Variants in ATL1 observed in about 807,000 individuals in gnomAD.
ATL1 encodes atlastin-1.
ATL1 carries 31 observed loss-of-function variants against 75.5 expected under a neutral mutation model. The observed-to-expected ratio is 0.41, with a 90% CI of 0.31 to 0.55. The LOEUF is 0.55. Ranked by LOEUF, ATL1 falls within the 20% of genes least tolerant of loss-of-function variation. ATL1 has a pLI of 0.27. For synonymous variants in ATL1, 226 were observed against 233.3 expected, an observed-to-expected ratio of 0.97 and a Z score of 0.28; for missense variants, 405 against 662.6, an observed-to-expected ratio of 0.61 and a Z score of 4.27.
intron 1 of ATL1, among the ~76,000 whole-genome samples, chr14:50,583,864 C>A (rs2039078092): frequency 1.3e-5 from 2 of 152,030 alleles, no homozygotes; most frequent in Non-Finnish European, 2.9e-5. Flanking sequence ...ACTGAGAGCT[C>A]AGAAATGAGT....
intron 6 of ATL1, among the ~76,000 whole-genome samples, chr14:50,598,362 T>A (rs1028940411): frequency 6.6e-6 from 1 of 152,070 alleles, no homozygotes; most frequent in African/African-American, 2.4e-5. Flanking sequence ...ATTTTTATTT[T>A]TATTTTTTTT....
At chr14:50,594,855 C>G (rs2039197541) in intron 5 of ATL1, among the ~76,000 whole-genome samples, 2 of 151,904 alleles carry the variant, frequency 1.3e-5, no homozygotes. Context: ...ATTAGCCAGG[C>G]AGGCGTGGTG....
At chr14:50,537,271 T>G (rs1483165907) in intron 1 of ATL1, among the ~76,000 whole-genome samples, 1 of 152,198 alleles carries the variant, frequency 6.6e-6, no homozygotes, top group East Asian at 1.9e-4. Flanking sequence ...CCACGTGGTG[T>G]TGAGCCTTCT....
intron 1 of ATL1, among the ~76,000 whole-genome samples, chr14:50,584,148 G>A (rs1403076151): frequency 6.6e-6 from 1 of 152,124 alleles, no homozygotes; most frequent in Non-Finnish European, 1.5e-5. Flanking sequence ...GCCAAGGCAC[G>A]TGGATCACTT....
intron 5 of ATL1, 26 bp from the exon 6 acceptor site, chr14:50,595,550 G>T (rs569399148): frequency 1.3e-6 from 2 of 1,536,932 alleles, no homozygotes; most frequent in African/African-American, 2.7e-5. Flanking sequence ...CTCTGTGTAT[G>T]TGTGTGTGTG....
chr14:50,621,831 CT>C lies in ATL1; in HGVS notation c.991-3del, dbSNP rs753642042. 611 of 1,504,290 alleles carry C rather than the reference CT, an allele frequency of 4.1e-4. No individual in the cohort carries two copies. The highest frequency in any genetic ancestry group is 4.8e-4 in the Non-Finnish European group (522 of 1,087,170). 93.2% of individuals were successfully genotyped at this position (1,504,290 alleles called of 1,614,324 possible). A position where few individuals can be genotyped will look rare whatever the true frequency, so the allele number is the denominator to read the frequency against. ...GAATTGCTTGAACATGAATCTTTTT[CT>C]TTTTTTTTAGGCTTATATAAAGATC... On this transcript the variant is annotated splice_polypyrimidine_tract_variant and intron_variant, in intron 9 of 13. Coordinates refer to ENST00000358385, the MANE Select transcript of ATL1 (RefSeq NM_015915.5).
chr14:50,554,736 C>A (rs780740895), intron 1 of ATL1, among the ~76,000 whole-genome samples: 11 of 152,234 alleles, frequency 7.2e-5, no homozygotes, highest in Admixed American at 1.3e-4. Context: ...TGGGAGGTGG[C>A]ATGGATCTCT....
At chr14:50,607,279 A>C (rs1366645613) in intron 6 of ATL1, among the ~76,000 whole-genome samples, 1 of 152,068 alleles carries the variant, frequency 6.6e-6, no homozygotes, top group Non-Finnish European at 1.5e-5. Flanking sequence ...ATATGACTTA[A>C]AAAAACAAAG....
chr14:50,548,250 A>C (rs1358972979), intron 1 of ATL1, among the ~76,000 whole-genome samples: 1 of 152,180 alleles, frequency 6.6e-6, no homozygotes, highest in Non-Finnish European at 1.5e-5. Flanking sequence ...GGGCTACTGG[A>C]GGATATTCAT....
In ATL1 at chr14:50,591,549, G is replaced by T. The variant is rs1336180166; in HGVS notation, c.432G>T (p.Leu144Phe). 2 of 1,613,122 alleles carry T rather than the reference G, an allele frequency of 1.2e-6. No homozygotes were observed. Among genetic ancestry groups the T allele is most frequent in the African/African-American group, 2.7e-5 (2 of 74,984 alleles). The change falls in exon 4 of 14, where the codon TTG becomes TTT. Residue 144 changes from leucine to phenylalanine, a missense_variant. This residue lies in a region of ATL1 where 126 missense variants were observed against 172.0 expected (regional missense o/e 0.73). Transcript: ENST00000358385. ...CTTGCCTGTAGGTTGCAGTGTTATT[G>T]ATGGATACTCAGGGAACCTTTGATA... ...KPDGKKVAVL[L>F]MDTQGTFDSQ...
intron 13 of ATL1, among the ~76,000 whole-genome samples, chr14:50,631,606 C>T (rs1444041424): frequency 2.6e-5 from 4 of 151,900 alleles, no homozygotes; most frequent in African/African-American, 9.7e-5. Context: ...ATTAAAAACC[C>T]ACAGAGAACA....
At chr14:50,629,706 A>G (rs1190753620) in intron 12 of ATL1, among the ~76,000 whole-genome samples, 2 of 152,142 alleles carry the variant, frequency 1.3e-5, no homozygotes, top group Non-Finnish European at 2.9e-5. Context: ...TAAAAACTGG[A>G]TCCTCTGAGC....
intron 1 of ATL1, among the ~76,000 whole-genome samples, chr14:50,563,483 T>C (rs74624239): frequency 1.3e-5 from 2 of 152,102 alleles, no homozygotes; most frequent in Non-Finnish European, 1.5e-5. Context: ...GTAAGTATTT[T>C]TCAGACAAGT....
At chr14:50,533,336 A>T (rs1436045967) in exon 1 of ATL1, 1 of 151,604 alleles carries the variant, frequency 6.6e-6, no homozygotes, top group African/African-American at 2.4e-5. Context: ...ATTTGGCAAC[A>T]TCTCGGTGTC....
chr14:50,614,704 A>T (rs1282245783), intron 8 of ATL1, among the ~76,000 whole-genome samples, 193 bp downstream of exon 8: 1 of 152,184 alleles, frequency 6.6e-6, no homozygotes, highest in African/African-American at 2.4e-5. Flanking sequence ...TGGGCGCTGG[A>T]TGTATACACT....
At chr14:50,627,031 A>G (rs939243069) in intron 11 of ATL1, among the ~76,000 whole-genome samples, 1 of 152,238 alleles carries the variant, frequency 6.6e-6, no homozygotes, top group South Asian at 2.1e-4. Flanking sequence ...GTCAAATGGC[A>G]TCCCAGGCTA....
chr14:50,564,125 ATGTGCTAGTG>A (rs2038878195), intron 1 of ATL1, among the ~76,000 whole-genome samples: 2 of 152,220 alleles, frequency 1.3e-5, no homozygotes, highest in South Asian at 4.1e-4. Flanking sequence ...TAGGCAAAGA[ATGTGCTAGTG>A]TGGAAAATAA....
intron 1 of ATL1, among the ~76,000 whole-genome samples, chr14:50,566,209 A>C (rs1245904488): frequency 2.7e-5 from 4 of 150,440 alleles, no homozygotes; most frequent in East Asian, 2.0e-4. Context: ...GATTGGTCAG[A>C]CTGGTCTCAA....
intron 6 of ATL1, among the ~76,000 whole-genome samples, chr14:50,606,717 T>TG (rs1477759803): frequency 6.6e-6 from 1 of 152,068 alleles, no homozygotes; most frequent in Non-Finnish European, 1.5e-5. Context: ...TGCTTCCATC[T>TG]GTTCTTTATA....
Sources: gnomAD v4.1 joint callset for allele counts (sites outside exome capture counted in the v4.1 genomes callset) on GRCh38, gnomAD v4.1.1 for gene constraint, gnomAD v4.1.1 regional missense constraint, MANE v1.5 for transcripts, NCBI Gene and HGNC (gene_info 2026-07-23, HGNC 2026-07-21) for gene names.